Variants in DSCAM observed in about 807,000 individuals in gnomAD.
The protein encoded by DSCAM is DS cell adhesion molecule.
Under a neutral mutation model 217.7 loss-of-function variants are expected in DSCAM, and 47 were observed. That is an observed-to-expected ratio of 0.22 (90% CI 0.17 to 0.28). The LOEUF (loss-of-function observed/expected upper bound fraction) is 0.28, where lower values mean the gene tolerates loss of function less well. Among genes scored for constraint, DSCAM ranks in the 10% least tolerant of loss-of-function variants. The pLI is 1.00. For missense variants in DSCAM, 2,080 were observed against 2,618.3 expected (o/e 0.79, Z 4.49); for synonymous variants, 1,056 against 1,015.3 (o/e 1.04, Z -0.76).
intron 3 of DSCAM, among the ~76,000 whole-genome samples, chr21:40,536,678 T>C (rs374682322): frequency 6.6e-6 from 1 of 152,188 alleles, no homozygotes; most frequent in African/African-American, 2.4e-5. Flanking sequence ...AGTGCAGGGA[T>C]TACAGGCGTG....
chr21:40,577,809 T>C (rs1435029421), intron 3 of DSCAM, among the ~76,000 whole-genome samples: 2 of 152,194 alleles, frequency 1.3e-5, no homozygotes, highest in East Asian at 3.9e-4. Flanking sequence ...TTAAGACTAC[T>C]ACAAGGTGAT....
intron 3 of DSCAM, among the ~76,000 whole-genome samples, chr21:40,517,202 A>G (rs539273855): frequency 4.0e-5 from 6 of 149,004 alleles, no homozygotes; most frequent in Non-Finnish European, 7.4e-5. Context: ...CTGCATATAC[A>G]TATATATGCA....
rs370991555 is a variant in DSCAM, at chr21:40,751,158, G to A, written c.44-42387C>T. Among the ~76,000 whole-genome samples, 18 of 152,032 alleles carry A rather than the reference G, an allele frequency of 1.2e-4. No homozygotes were observed. The East Asian group carries it at 1.4e-3, about 11-fold the overall frequency. On this transcript the variant is annotated intron_variant, in intron 1 of 32. Transcript: ENST00000400454. ...GCCTGAAAAGCCCTCTTCCACCCCC[G>A]CTGACATCCCCAGGACTCTATCACT...
chr21:40,352,137 A>T (rs188231217), intron 5 of DSCAM, among the ~76,000 whole-genome samples: 701 of 152,306 alleles, frequency 4.6e-3, no homozygotes, highest in Non-Finnish European at 6.5e-3. Context: ...TGTTCCAATA[A>T]TGGAACACTA....
rs368360275 is a variant in DSCAM, at chr21:40,430,623, T to C, written c.509-61378A>G. 2.0e-3 allele frequency among the ~76,000 whole-genome samples: 308 copies of C among 152,292 alleles called. 2 individuals are homozygous for C. The highest frequency in any genetic ancestry group is 7.0e-3 in the African/African-American group (289 of 41,562). ...TTAATACGTAATAAACTCCCCTATA[T>C]ATATACACACATATCTATCCTATTA... On this transcript the variant is annotated intron_variant, in intron 3 of 32. Coordinates refer to ENST00000400454, the MANE Select transcript of DSCAM (RefSeq NM_001389.5).
chr21:40,839,297 A>G (rs2092081300), intron 1 of DSCAM, among the ~76,000 whole-genome samples: 1 of 152,196 alleles, frequency 6.6e-6, no homozygotes, highest in South Asian at 2.1e-4. Context: ...GACTTGTGAT[A>G]ATCACAGGAT....
At chr21:40,472,817 T>G (rs2075900226) in intron 3 of DSCAM, among the ~76,000 whole-genome samples, 1 of 152,048 alleles carries the variant, frequency 6.6e-6, no homozygotes, top group Non-Finnish European at 1.5e-5. Context: ...AGAATAACAA[T>G]TCTCCCAATA....
chr21:40,840,254 T>C (rs1260755840), intron 1 of DSCAM, among the ~76,000 whole-genome samples: 2 of 152,152 alleles, frequency 1.3e-5, no homozygotes, highest in African/African-American at 2.4e-5. Flanking sequence ...CATAAATCCA[T>C]AGGATGCTGA....
chr21:40,085,499 A>G, intron 23 of DSCAM, 103 bp downstream of exon 23: 1 of 1,041,370 alleles, frequency 9.6e-7, no homozygotes, highest in Non-Finnish European at 1.3e-6. Flanking sequence ...AACAGAAGTT[A>G]GCTCTTTATA....
At chr21:40,294,212 T>C (rs1205098368) in intron 10 of DSCAM, among the ~76,000 whole-genome samples, 2 of 152,204 alleles carry the variant, frequency 1.3e-5, no homozygotes, top group African/African-American at 4.8e-5. Context: ...ACAGACAAAG[T>C]ATTATTTAAT....
At chr21:40,383,980 G>A (rs568559495) in intron 3 of DSCAM, 1 of 152,318 alleles carries the variant, frequency 6.6e-6, no homozygotes, top group South Asian at 2.1e-4. Context: ...CTTAGAGAAA[G>A]GGATAGGGGT....
chr21:40,263,979 A>G (rs886646302), intron 11 of DSCAM, among the ~76,000 whole-genome samples: 1 of 152,294 alleles, frequency 6.6e-6, no homozygotes, highest in Admixed American at 6.5e-5. Flanking sequence ...CTGGAAACAT[A>G]CAACCCCATA....
chr21:40,344,459 C>G (rs1187501042), intron 6 of DSCAM, among the ~76,000 whole-genome samples: 1 of 152,130 alleles, frequency 6.6e-6, no homozygotes, highest in African/African-American at 2.4e-5. Context: ...TCTTTCACCT[C>G]TTTATTACTG....
intron 27 of DSCAM, among the ~76,000 whole-genome samples, chr21:40,070,276 A>AGGAG (rs1341232860): frequency 1.0e-4 from 12 of 118,028 alleles, no homozygotes; most frequent in Admixed American, 7.5e-4. Context: ...GAGGGAGTGA[A>AGGAG]GGAGGGAGGG....
chr21:40,651,999 G>A (rs1601823252), intron 3 of DSCAM, among the ~76,000 whole-genome samples: 1 of 152,124 alleles, frequency 6.6e-6, no homozygotes, highest in African/African-American at 2.4e-5. Flanking sequence ...CCTCAGCACT[G>A]TTCTCTAGGG....
intron 11 of DSCAM, among the ~76,000 whole-genome samples, chr21:40,197,843 C>G (rs1601431833): frequency 6.6e-6 from 1 of 152,142 alleles, no homozygotes; most frequent in Admixed American, 6.5e-5. Flanking sequence ...AAGTAATTAG[C>G]CTAAAGTCAT....
At chr21:40,186,541 G>A (rs918091284) in intron 14 of DSCAM, among the ~76,000 whole-genome samples, 5 of 152,168 alleles carry the variant, frequency 3.3e-5, no homozygotes, top group Non-Finnish European at 7.3e-5. Flanking sequence ...CACCTGCAGC[G>A]GCCCTGGCAG....
chr21:40,750,533 C>T (rs2091217534), intron 1 of DSCAM, among the ~76,000 whole-genome samples: 1 of 152,108 alleles, frequency 6.6e-6, no homozygotes, highest in South Asian at 2.1e-4. Context: ...CCTTTGATCT[C>T]ACCCGTTCTG....
rs1268737026 is a variant in DSCAM, at chr21:40,746,275, T to A, written c.44-37504A>T. ...GACATAGAGTGACTGAATGGATTTT[T>A]AAAAATGCCCAATTATATGCTGTCT... is the stretch of plus-strand genomic sequence containing the variant. On this transcript the variant is annotated intron_variant, in intron 1 of 32. Transcript: ENST00000400454. 2.0e-5 allele frequency among the ~76,000 whole-genome samples: 3 copies of A among 150,980 alleles called. No homozygotes were observed. In the East Asian group the frequency reaches 5.8e-4, roughly 29 times the overall value.
Sources: gnomAD v4.1 joint callset for allele counts (sites outside exome capture counted in the v4.1 genomes callset) on GRCh38, gnomAD v4.1.1 for gene constraint, MANE v1.5 for transcripts, NCBI Gene and HGNC (gene_info 2026-07-23, HGNC 2026-07-21) for gene names.